FEZ2: variants seen among roughly 807,000 people sequenced by gnomAD.
The protein encoded by FEZ2 is fasciculation and elongation protein zeta 2.
Under a neutral mutation model 40.4 loss-of-function variants are expected in FEZ2, and 51 were observed. That is an observed-to-expected ratio of 1.26 (90% CI 1.01 to 1.59). FEZ2 has a LOEUF of 1.59. FEZ2 is among the 40% of genes most tolerant of loss of function. The probability of loss-of-function intolerance (pLI) is 0.00; values close to 1 mark genes in which losing one functional copy is unlikely to be tolerated. For missense variants in FEZ2, 640 were observed against 438.3 expected (o/e 1.46, Z -4.11); for synonymous variants, 242 against 172.0 (o/e 1.41, Z -3.18).
At chr2:36,583,558 G>C in intron 2 of FEZ2, 89 bp from the exon 3 acceptor site, 1 of 720,510 alleles carries the variant, frequency 1.4e-6, no homozygotes, top group Non-Finnish European at 2.5e-6. Flanking sequence ...GCAGAGAAAA[G>C]CAACTACTAA....
intron 5 of FEZ2, chr2:36,560,849 C>G (rs930520533): frequency 1.9e-5 from 31 of 1,609,636 alleles, no homozygotes; most frequent in Non-Finnish European, 2.4e-5. Context: ...ATTTGAGATC[C>G]CTTCCATGCT....
intron 3 of FEZ2, 72 bp downstream of exon 3, chr2:36,583,281 C>T (rs1054603124): frequency 2.6e-6 from 2 of 771,742 alleles, no homozygotes; most frequent in Non-Finnish European, 4.6e-6. Flanking sequence ...CCATCATTTA[C>T]TGTCATAACA....
chr2:36,562,063 G>A (rs749333964), intron 5 of FEZ2, among the ~76,000 whole-genome samples: 94 of 152,282 alleles, frequency 6.2e-4, no homozygotes, highest in Admixed American at 9.8e-4. Flanking sequence ...ATGACTTACA[G>A]TGAAATATTC....
intron 4 of FEZ2, 94 bp downstream of exon 4, chr2:36,581,196 G>A: frequency 8.9e-7 from 1 of 1,124,912 alleles, no homozygotes; most frequent in African/African-American, 1.6e-5. Context: ...CAAACAGAAG[G>A]AGGATGAAAT....
At chr2:36,596,652 A>C (rs1558462931) in intron 1 of FEZ2, among the ~76,000 whole-genome samples, 1 of 151,958 alleles carries the variant, frequency 6.6e-6, no homozygotes, top group Non-Finnish European at 1.5e-5. Context: ...TTTTTTTGTA[A>C]AGACCAGATT....
intron 7 of FEZ2, 119 bp downstream of exon 7, chr2:36,555,561 CATA>C (rs1364557425): frequency 4.0e-5 from 21 of 522,892 alleles, no homozygotes; most frequent in African/African-American, 5.9e-5. Flanking sequence ...CCTCACCCTG[CATA>C]ATAAGATTAA....
chr2:36,593,879 A>T (rs562410976), intron 1 of FEZ2, among the ~76,000 whole-genome samples: 1 of 151,782 alleles, frequency 6.6e-6, no homozygotes, highest in Admixed American at 6.6e-5. Context: ...CAGGCTGCAA[A>T]TTTTCCAAAC....
rs749157053 is a variant in FEZ2 at position 36,590,971 on chromosome 2, G to A, written c.307C>T (p.Pro103Ser). Reference sequence around the variant, plus strand: ...GTATGCGATGACTTCCAGTCTACAGGCATCACATTCCCATAATTATCTGTC... The same window carrying A: ...GTATGCGATGACTTCCAGTCTACAGACATCACATTCCCATAATTATCTGTC... The part of the protein sequence containing the change: ...ALTDNYGNVM[P>S]VDWKSSHTRT... The change falls in exon 2 of 8, where the codon CCT becomes TCT. Residue 103 changes from proline to serine, a missense_variant. Transcript: ENST00000405912. 8 of 1,611,934 alleles carry A rather than the reference G, an allele frequency of 5.0e-6. No homozygotes were observed. The highest frequency in any genetic ancestry group is 3.3e-5 in the South Asian group (3 of 91,048).
intron 1 of FEZ2, among the ~76,000 whole-genome samples, chr2:36,594,941 G>C (rs1473427138): frequency 6.6e-6 from 1 of 152,208 alleles, no homozygotes; most frequent in Non-Finnish European, 1.5e-5. Context: ...GGACACAGAG[G>C]CAACTCTAGT....
intron 2 of FEZ2, among the ~76,000 whole-genome samples, chr2:36,589,230 T>C (rs2125241089): frequency 6.6e-6 from 1 of 152,226 alleles, no homozygotes; most frequent in Non-Finnish European, 1.5e-5. Flanking sequence ...GAGAAGGCAG[T>C]GGTAATTTTA....
At chr2:36,572,343 T>C (rs983773517) in intron 5 of FEZ2, among the ~76,000 whole-genome samples, 19 of 152,208 alleles carry the variant, frequency 1.2e-4, no homozygotes, top group African/African-American at 4.3e-4. Flanking sequence ...CAATTCAACA[T>C]AATCTCAAGA....
At chr2:36,591,283 G>T in intron 1 of FEZ2, 1 of 446,150 alleles carries the variant, frequency 2.2e-6, no homozygotes, top group East Asian at 4.3e-5. Flanking sequence ...ATTATATTAG[G>T]TGCTAGGCAC....
intron 2 of FEZ2, among the ~76,000 whole-genome samples, chr2:36,583,819 G>A (rs748434114): frequency 1.3e-5 from 2 of 152,188 alleles, no homozygotes; most frequent in Non-Finnish European, 2.9e-5. Flanking sequence ...ATTGGTAGAC[G>A]TTAACATTCT....
chr2:36,590,836 T>A (rs986627256), intron 2 of FEZ2, 67 bp downstream of exon 2: 13 of 925,906 alleles, frequency 1.4e-5, no homozygotes, highest in Non-Finnish European at 7.1e-6. Context: ...TAAGCAGAAA[T>A]GCTACTGTTT....
chr2:36,593,675 A>C (rs1305616253), intron 1 of FEZ2, among the ~76,000 whole-genome samples: 2 of 151,984 alleles, frequency 1.3e-5, no homozygotes, highest in Non-Finnish European at 2.9e-5. Flanking sequence ...CCAGCTCACG[A>C]AACCACTTGT....
At chr2:36,576,955 G>C (rs937029897) in intron 5 of FEZ2, among the ~76,000 whole-genome samples, 3 of 152,192 alleles carry the variant, frequency 2.0e-5, no homozygotes, top group African/African-American at 4.8e-5. Context: ...AAAGCAAATA[G>C]GCAGAAATTA....
intron 4 of FEZ2, among the ~76,000 whole-genome samples, chr2:36,579,760 A>T: frequency 6.6e-6 from 1 of 152,230 alleles, no homozygotes; most frequent in Non-Finnish European, 1.5e-5. Context: ...TGGACTAAAA[A>T]AACTGGGAAG....
chr2:36,592,728 C>A (rs893414632), intron 1 of FEZ2, among the ~76,000 whole-genome samples: 1 of 151,944 alleles, frequency 6.6e-6, no homozygotes, highest in African/African-American at 2.4e-5. Flanking sequence ...GGCAGGAGGA[C>A]TGCTTAAGCC....
chr2:36,595,519 G>A (rs1404045598), intron 1 of FEZ2, among the ~76,000 whole-genome samples: 1 of 152,146 alleles, frequency 6.6e-6, no homozygotes, highest in African/African-American at 2.4e-5. Context: ...GCAATGGGGA[G>A]GAGCTGTAAA....
Sources: gnomAD v4.1 joint callset for allele counts (sites outside exome capture counted in the v4.1 genomes callset) on GRCh38, gnomAD v4.1.1 for gene constraint, MANE v1.5 for transcripts, NCBI Gene and HGNC (gene_info 2026-07-23, HGNC 2026-07-21) for gene names.